ANP32B: variants seen among roughly 807,000 people sequenced by gnomAD.
The protein encoded by ANP32B is acidic leucine-rich nuclear phosphoprotein 32 family member B.
A neutral mutation model predicts 32.2 loss-of-function variants in ANP32B; 6 were observed. The ratio of observed to expected loss-of-function variants is 0.19; its 90% CI spans 0.10 to 0.37. ANP32B has a LOEUF of 0.37. ANP32B is among the 10% of genes least tolerant of loss of function. The pLI, the probability that ANP32B is intolerant of heterozygous loss-of-function variation, is 1.00. For synonymous variants in ANP32B, 98 were observed against 105.8 expected (o/e 0.93, Z 0.45); for missense variants, 204 against 289.2 (o/e 0.71, Z 2.14).
rs1418309634 is a variant in ANP32B at position 97,988,366 on chromosome 9, A to C, written c.54+4757A>C. On this transcript the variant is annotated intron_variant, in intron 1 of 6. Coordinates refer to ENST00000339399, the MANE Select transcript of ANP32B (RefSeq NM_006401.3). ...GTCTTTAAATACCCACCAGTAGAAT[A>C]TTGGTGTTTCCTTCCTTAATGCCAG... Among the ~76,000 whole-genome samples, 5 of 152,092 alleles carry C rather than the reference A, an allele frequency of 3.3e-5. No homozygotes were observed. The East Asian group carries it at 9.6e-4, about 29-fold the overall frequency.
intron 1 of ANP32B, among the ~76,000 whole-genome samples, chr9:97,994,198 A>G (rs1443246092): frequency 1.3e-5 from 2 of 152,192 alleles, no homozygotes; most frequent in African/African-American, 4.8e-5. Context: ...TGGTCTTGAT[A>G]GGAAACATAA....
Position 98,011,374 on chromosome 9 carries a change from T to C in ANP32B, c.621T>C (p.Asp207=), listed in dbSNP as rs764525687. The C allele has an allele frequency of 6.3e-6, 10 of 1,580,686 alleles. No individual in the cohort carries two copies. Among genetic ancestry groups the C allele is most frequent in the East Asian group, 2.3e-5 (1 of 44,022 alleles). The part of the protein sequence containing the change: ...DEDVEGDEDD[D]EVSEEEEEFG... The stretch of plus-strand genomic sequence containing the variant: ...ATGTAGAAGGGGATGAGGACGACGA[T>C]GAAGTCAGTGAGGAGGTCAGTGCAG... Residue 207 remains aspartate, a synonymous_variant, in exon 5 of 7, where the codon GAT becomes GAC. Coordinates refer to ENST00000339399, the MANE Select transcript of ANP32B (RefSeq NM_006401.3).
chr9:98,006,645 C>T (rs1402058240), intron 4 of ANP32B, among the ~76,000 whole-genome samples: 1 of 152,212 alleles, frequency 6.6e-6, no homozygotes, highest in Admixed American at 6.5e-5. Flanking sequence ...TCTCCAAGCC[C>T]ACTTTGTATA....
chr9:97,994,691 G>A lies in ANP32B; in HGVS notation c.115G>A (p.Ala39Thr), dbSNP rs1469384005. The change falls in exon 2 of 7, where the codon GCT (alanine) becomes ACT (threonine). Residue 39 changes from alanine to threonine, a missense_variant. By Grantham distance (58) the Ala-to-Thr change is moderately conservative. Transcript: ENST00000339399. ...SNDGKIEGLT[A>T]EFVNLEFLSL... ...TGATGGAAAAATTGAGGGCTTAACA[G>A]CTGAATTTGTGAACTTAGAGTTCCT... 6.2e-7 allele frequency: 1 copy of A among 1,612,510 alleles called. No homozygotes were observed. Among genetic ancestry groups the A allele is most frequent in the Non-Finnish European group, 8.5e-7 (1 of 1,179,636 alleles).
In ANP32B at chr9:97,999,312, A is replaced by G. The variant is rs555586061; in HGVS notation, c.327+634A>G. On this transcript the variant is annotated intron_variant, in intron 3 of 6. Transcript: ENST00000339399. ...TATAGCCTTAAACATGTTCTTAACA[A>G]TTTTTTTCTTCAGACTGGCCAAGCC... 2.0e-4 allele frequency among the ~76,000 whole-genome samples: 30 copies of G among 152,234 alleles called. No homozygotes were observed. In the South Asian group the frequency reaches 5.8e-3, roughly 29 times the overall value.
intron 3 of ANP32B, among the ~76,000 whole-genome samples, chr9:98,000,890 C>G (rs890501031): frequency 1.3e-5 from 2 of 150,280 alleles, no homozygotes; most frequent in African/African-American, 4.9e-5. Flanking sequence ...CCTCTGCACT[C>G]CAGCCTGGGT....
At position 97,983,790 on chromosome 9, in the gene ANP32B, T is replaced by C. The variant is rs1046277676; in HGVS notation, c.54+181T>C. On this transcript the variant is annotated intron_variant, in intron 1 of 6. Coordinates refer to ENST00000339399, the MANE Select transcript of ANP32B (RefSeq NM_006401.3). The stretch of plus-strand genomic sequence containing the variant: ...AGCGAGCGCGCGAGGATTAACTCTT[T>C]GCCGCCCGCGGGCCCCTGGGGCGGC... Among the ~76,000 whole-genome samples, 4 of 150,794 alleles carry C rather than the reference T, an allele frequency of 2.7e-5. No homozygotes were observed. In the South Asian group the frequency reaches 8.4e-4, roughly 32 times the overall value.
At chr9:97,994,085 A>G (rs1408572252) in intron 1 of ANP32B, among the ~76,000 whole-genome samples, 1 of 152,244 alleles carries the variant, frequency 6.6e-6, no homozygotes, top group Non-Finnish European at 1.5e-5. Flanking sequence ...GGACTCTTGC[A>G]TCCTGATTTT....
At chr9:97,984,382 G>A (rs1047312347) in intron 1 of ANP32B, among the ~76,000 whole-genome samples, 2 of 151,386 alleles carry the variant, frequency 1.3e-5, no homozygotes, top group South Asian at 2.1e-4. Flanking sequence ...CTTCGCCCTC[G>A]GCCTTGCCCA....
Position 98,004,967 on chromosome 9 carries a change from AAGTT to A in ANP32B, c.334_337del (p.Leu112AsnfsTer3). Reference sequence around the variant, plus strand: ...GGTTTTTGATCCTTTTCTTCAGAAAAAGTTAGAATGTCTGAAAAGCCTGGACCTC... The same window carrying A: ...GGTTTTTGATCCTTTTCTTCAGAAAAAGAATGTCTGAAAAGCCTGGACCTC... On this transcript the variant is annotated frameshift_variant, in exon 4 of 7. Transcript: ENST00000339399. LOFTEE classifies it high-confidence loss of function. 6.2e-7 allele frequency: 1 copy of A among 1,600,080 alleles called. No individual in the cohort carries two copies. Among genetic ancestry groups the A allele is most frequent in the Non-Finnish European group, 8.5e-7 (1 of 1,175,606 alleles).
At chr9:97,986,713 C>A (rs187636713) in intron 1 of ANP32B, 3 of 152,376 alleles carry the variant, frequency 2.0e-5, no homozygotes, top group Non-Finnish European at 2.9e-5. Flanking sequence ...AGCTGTTACA[C>A]AGTAGGCTTG....
intron 3 of ANP32B, among the ~76,000 whole-genome samples, chr9:98,001,578 T>C (rs1297695134): frequency 6.6e-6 from 1 of 152,180 alleles, no homozygotes; most frequent in Non-Finnish European, 1.5e-5. Context: ...CTAGTTCTCG[T>C]GGCAGCCTGA....
At position 97,987,670 on chromosome 9, in the gene ANP32B, T is replaced by G. The variant is rs532881741; in HGVS notation, c.54+4061T>G. The G allele has an allele frequency of 5.9e-5, 9 of 152,234 alleles. No individual in the cohort carries two copies. The South Asian group carries it at 1.9e-3, about 31-fold the overall frequency. The allele number at this position is 152,234 out of a possible 1,614,324, so 9.4% of individuals were successfully genotyped here. On this transcript the variant is annotated intron_variant, in intron 1 of 6. Coordinates refer to ENST00000339399, the MANE Select transcript of ANP32B (RefSeq NM_006401.3). ...GTTAGAAAGCCAAGCAGTTCCTTAC[T>G]GTGGCTTGCAGTCTATGCACCTGCG...
At chr9:98,008,612 A>C (rs995609686) in intron 4 of ANP32B, among the ~76,000 whole-genome samples, 1 of 152,194 alleles carries the variant, frequency 6.6e-6, no homozygotes, top group South Asian at 2.1e-4. Context: ...TTCCATTTCC[A>C]ATATCCTATC....
chr9:97,993,475 G>A (rs907092324), intron 1 of ANP32B, among the ~76,000 whole-genome samples: 10 of 152,254 alleles, frequency 6.6e-5, no homozygotes, highest in African/African-American at 2.2e-4. Context: ...GCCTTTGTTG[G>A]TGCAGTTAAA....
chr9:98,012,752 A>G (rs1381144830), intron 6 of ANP32B, among the ~76,000 whole-genome samples: 1 of 151,642 alleles, frequency 6.6e-6, no homozygotes. Context: ...GTGTTTTGAG[A>G]CGGAATCTCG....
Position 98,004,996 on chromosome 9 carries a change from C to A in ANP32B, c.360C>A (p.Leu120=). The A allele has an allele frequency of 6.2e-7, 1 of 1,613,336 alleles. No homozygotes were observed. The highest frequency in any genetic ancestry group is 8.5e-7 in the Non-Finnish European group (1 of 1,179,796). ...KKLECLKSLD[L]FNCEVTNLND... Reference sequence around the variant, plus strand: ...TAGAATGTCTGAAAAGCCTGGACCTCTTTAACTGTGAGGTTACCAACCTGA... The same window carrying A: ...TAGAATGTCTGAAAAGCCTGGACCTATTTAACTGTGAGGTTACCAACCTGA... Residue 120 remains leucine (L), a synonymous_variant, in exon 4 of 7, where the codon CTC becomes CTA. Transcript: ENST00000339399.
At chr9:97,991,422 GT>G (rs1048097728) in intron 1 of ANP32B, among the ~76,000 whole-genome samples, 1 of 151,920 alleles carries the variant, frequency 6.6e-6, no homozygotes, top group Admixed American at 6.6e-5. Context: ...GCCTTGAACA[GT>G]TTTTTTTAGT....
chr9:97,992,543 CT>C, intron 1 of ANP32B, among the ~76,000 whole-genome samples: 1 of 152,286 alleles, frequency 6.6e-6, no homozygotes, highest in African/African-American at 2.4e-5. Context: ...ACTCTTAATT[CT>C]TCTTCACTTC....
Sources: gnomAD v4.1 joint callset for allele counts (sites outside exome capture counted in the v4.1 genomes callset) on GRCh38, gnomAD v4.1.1 for gene constraint, MANE v1.5 for transcripts, NCBI Gene and HGNC (gene_info 2026-07-23, HGNC 2026-07-21) for gene names.